The following FMNL2 variants were observed in gnomAD, a reference collection of about 807,000 sequenced individuals.
The protein encoded by FMNL2 is formin like 2, also known as formin-like protein 2.
FMNL2 carries 51 observed loss-of-function variants against 130.2 expected under a neutral mutation model. The observed-to-expected ratio is 0.39, with a 90% CI of 0.31 to 0.49. The LOEUF is 0.49. Among genes scored for constraint, FMNL2 ranks in the 20% least tolerant of loss-of-function variants. The pLI, the probability that FMNL2 is intolerant of heterozygous loss-of-function variation, is 0.85. For synonymous variants in FMNL2, 465 were observed against 467.1 expected, an observed-to-expected ratio of 1.00 and a Z score of 0.06; for missense variants, 977 against 1,316.2, an observed-to-expected ratio of 0.74 and a Z score of 3.99.
chr2:152,531,237 T>A (rs903747380), intron 2 of FMNL2, among the ~76,000 whole-genome samples: 1 of 152,156 alleles, frequency 6.6e-6, no homozygotes, highest in East Asian at 1.9e-4. Context: ...GGTGTGTGCT[T>A]ATATATTTTT....
chr2:152,632,066 T>C lies in FMNL2; in HGVS notation c.2609T>C (p.Val870Ala). 3 of 1,613,426 alleles carry C rather than the reference T, an allele frequency of 1.9e-6. No individual in the cohort carries two copies. The highest frequency in any genetic ancestry group is 2.5e-6 in the Non-Finnish European group (3 of 1,179,604). ...KQTLLHYISN[V>A]VKEKYHQVSL... The stretch of plus-strand genomic sequence containing the variant: ...ACACTGTTGCACTATATATCCAATG[T>C]GGTGAAAGAAAAATATCACCAAGTG... The change falls in exon 21 of 26, where the codon GTG becomes GCG. Residue 870 changes from valine to alanine, a missense_variant. By Grantham distance (64) the Val-to-Ala change is moderately conservative. Around this residue, in one of 4 missense-constraint regions of FMNL2, gnomAD observed 689 missense variants for 995.9 expected, o/e 0.69. Coordinates refer to ENST00000288670, the MANE Select transcript of FMNL2 (RefSeq NM_052905.4).
intron 1 of FMNL2, among the ~76,000 whole-genome samples, chr2:152,434,261 C>T (rs916911346): frequency 1.1e-4 from 16 of 152,072 alleles, no homozygotes; most frequent in African/African-American, 3.4e-4. Flanking sequence ...AAAGTATGCA[C>T]GGTGAATTTC....
chr2:152,408,872 A>C (rs1686140170), intron 1 of FMNL2, among the ~76,000 whole-genome samples: 1 of 152,228 alleles, frequency 6.6e-6, no homozygotes, highest in Non-Finnish European at 1.5e-5. Context: ...TCGCTTTTGC[A>C]CCATTGTAAA....
chr2:152,409,706 A>G (rs79968348), intron 1 of FMNL2, among the ~76,000 whole-genome samples: 4,448 of 152,288 alleles, frequency 0.029, 92 homozygotes, highest in Non-Finnish European at 0.043. Flanking sequence ...GATGAAGCTG[A>G]TGATGGCATT....
chr2:152,504,188 C>A (rs763255952), intron 1 of FMNL2, among the ~76,000 whole-genome samples: 3 of 152,044 alleles, frequency 2.0e-5, no homozygotes, highest in African/African-American at 4.8e-5. Flanking sequence ...GAGACTCTGG[C>A]TCAACAATAA....
chr2:152,522,703 A>G (rs968977234), intron 2 of FMNL2, among the ~76,000 whole-genome samples: 2 of 152,168 alleles, frequency 1.3e-5, no homozygotes, highest in Non-Finnish European at 2.9e-5. Flanking sequence ...TTCCGCCATG[A>G]TTGTGAGGCT....
chr2:152,579,955 T>C (rs11892222), intron 8 of FMNL2, among the ~76,000 whole-genome samples: 6 of 152,072 alleles, frequency 3.9e-5, no homozygotes, highest in Non-Finnish European at 2.9e-5. Context: ...CAAAAATCTG[T>C]TTATAAATTA....
chr2:152,467,559 C>T (rs1443198871), intron 1 of FMNL2, among the ~76,000 whole-genome samples: 2 of 152,152 alleles, frequency 1.3e-5, no homozygotes, highest in East Asian at 1.9e-4. Context: ...TGTAGTTACG[C>T]TGCATCTTTT....
At chr2:152,435,943 G>A (rs985154939) in intron 1 of FMNL2, among the ~76,000 whole-genome samples, 1 of 152,126 alleles carries the variant, frequency 6.6e-6, no homozygotes, top group African/African-American at 2.4e-5. Context: ...TGGACTGCTG[G>A]TTAGAGCCCC....
chr2:152,364,245 G>GT (rs1292991947), intron 1 of FMNL2, among the ~76,000 whole-genome samples: 1 of 129,234 alleles, frequency 7.7e-6, no homozygotes, highest in Admixed American at 8.2e-5. Flanking sequence ...TTTCACATCC[G>GT]TTAGGAGGTT....
At chr2:152,616,393 C>T (rs568043704) in intron 12 of FMNL2, among the ~76,000 whole-genome samples, 24 of 141,360 alleles carry the variant, frequency 1.7e-4, no homozygotes, top group African/African-American at 5.4e-4. Flanking sequence ...TGCAGTGGCG[C>T]GATCTTGGTT....
chr2:152,523,209 T>C (rs1469941513), intron 2 of FMNL2, among the ~76,000 whole-genome samples: 2 of 152,210 alleles, frequency 1.3e-5, no homozygotes, highest in African/African-American at 2.4e-5. Context: ...TGAGGACTTA[T>C]GGAGAAATTA....
chr2:152,402,144 C>T (rs189481313), intron 1 of FMNL2, among the ~76,000 whole-genome samples: 1,925 of 152,120 alleles, frequency 0.013, 12 homozygotes, highest in Non-Finnish European at 0.019. Flanking sequence ...CCTCATGATC[C>T]GCCCGCCTTG....
At chr2:152,488,578 T>C (rs188212012) in intron 1 of FMNL2, among the ~76,000 whole-genome samples, 1 of 152,362 alleles carries the variant, frequency 6.6e-6, no homozygotes, top group East Asian at 1.9e-4. Context: ...TGGATCCAGA[T>C]TGCATATCTA....
rs571535883 is a variant in FMNL2 at position 152,424,106 on chromosome 2, G to A, written c.117+88386G>A. Among the ~76,000 whole-genome samples the A allele has an allele frequency of 4.6e-5, 7 of 152,226 alleles. No individual in the cohort carries two copies. The South Asian group carries it at 6.2e-4, about 14-fold the overall frequency. ...TAAAAATTACCTTTCTCTGAATTTG[G>A]AAGATAGCAACCATGATAGTAATTC... On this transcript the variant is annotated intron_variant, in intron 1 of 25. Transcript: ENST00000288670.
At chr2:152,351,121 A>G (rs545392452) in intron 1 of FMNL2, among the ~76,000 whole-genome samples, 1 of 152,316 alleles carries the variant, frequency 6.6e-6, no homozygotes, top group East Asian at 1.9e-4. Flanking sequence ...AATTATCCCA[A>G]AAATACCTGA....
rs1270152711 is a variant in FMNL2, at chr2:152,568,218, G to GGTTTTTTTT, written c.597-6918_597-6917insGTTTTTTTT. ...TGAGCAACGGCTTCCATTTTGGTGG[G>GGTTTTTTTT]TTTTTTTTTTTTTTTGAGACGGAGT... On this transcript the variant is annotated intron_variant, in intron 6 of 25. Transcript: ENST00000288670. Among the ~76,000 whole-genome samples the GGTTTTTTTT allele has an allele frequency of 7.7e-3, 270 of 34,856 alleles. 2 individuals carry two copies. Among genetic ancestry groups the GGTTTTTTTT allele is most frequent in the African/African-American group, 0.021 (255 of 11,896 alleles). The allele number at this position is 34,856 out of a possible 152,430, so 22.9% of individuals were successfully genotyped here. A position where few individuals can be genotyped will look rare whatever the true frequency, so the allele number is the denominator to read the frequency against.
intron 2 of FMNL2, among the ~76,000 whole-genome samples, chr2:152,525,824 C>T (rs1272544530): frequency 6.6e-6 from 1 of 152,152 alleles, no homozygotes; most frequent in African/African-American, 2.4e-5. Flanking sequence ...GCCAGTGGCA[C>T]TAAGAAGCCT....
At chr2:152,533,706 T>C (rs1693835158) in intron 2 of FMNL2, among the ~76,000 whole-genome samples, 1 of 151,372 alleles carries the variant, frequency 6.6e-6, no homozygotes, top group Admixed American at 6.6e-5. Context: ...TTCAGTAGAA[T>C]TGACATTTAT....
Sources: gnomAD v4.1 joint callset for allele counts (sites outside exome capture counted in the v4.1 genomes callset) on GRCh38, gnomAD v4.1.1 for gene constraint, gnomAD v4.1.1 regional missense constraint, MANE v1.5 for transcripts, NCBI Gene and HGNC (gene_info 2026-07-23, HGNC 2026-07-21) for gene names.